TDRD10: variants seen among roughly 807,000 people sequenced by gnomAD.
The protein encoded by TDRD10 is tudor domain-containing protein 10.
TDRD10 carries 40 observed loss-of-function variants against 48.0 expected under a neutral mutation model. That is an observed-to-expected ratio of 0.83 (90% CI 0.65 to 1.09). TDRD10 has a LOEUF of 1.09. Among genes scored for constraint, TDRD10 ranks in the 50% least tolerant of loss-of-function variants. The pLI, the probability that TDRD10 is intolerant of heterozygous loss-of-function variation, is 0.00. For synonymous variants in TDRD10, 162 were observed against 170.4 expected, an observed-to-expected ratio of 0.95 and a Z score of 0.38; for missense variants, 378 against 434.7, an observed-to-expected ratio of 0.87 and a Z score of 1.16.
At chr1:154,514,881 T>A (rs1255100246) in intron 4 of TDRD10, among the ~76,000 whole-genome samples, 1 of 151,630 alleles carries the variant, frequency 6.6e-6, no homozygotes, top group Non-Finnish European at 1.5e-5. Flanking sequence ...TTTATTTTTT[T>A]TTTTGAGACG....
At chr1:154,509,865 G>C in intron 4 of TDRD10, 1 of 985,310 alleles carries the variant, frequency 1.0e-6, no homozygotes, top group Non-Finnish European at 1.2e-6. Context: ...GCAGTGGTCT[G>C]GGGAGGTAAG....
chr1:154,505,350 T>G (rs2149308222), intron 1 of TDRD10, among the ~76,000 whole-genome samples: 1 of 152,362 alleles, frequency 6.6e-6, no homozygotes, highest in East Asian at 1.9e-4. Context: ...TCAGTGCCTG[T>G]TCTGTTTCAG....
chr1:154,511,978 C>T (rs571163947), intron 4 of TDRD10, among the ~76,000 whole-genome samples: 5 of 151,434 alleles, frequency 3.3e-5, no homozygotes, highest in African/African-American at 7.3e-5. Context: ...GCAAGTGAGA[C>T]GAGATCATGC....
rs1695658237 is a variant in TDRD10, at chr1:154,547,353, C to T, written c.953-56C>T. ...CCCCGCCTTTTGCTTCCCTCCTTTGCTCCTCCTGCCCAACCCCGTGCCACT... is the reference window on the plus strand; with the variant it reads ...CCCCGCCTTTTGCTTCCCTCCTTTGTTCCTCCTGCCCAACCCCGTGCCACT... On this transcript the variant is annotated intron_variant, in intron 11 of 12. Transcript: ENST00000368482. 10 of 1,602,414 alleles carry T rather than the reference C, an allele frequency of 6.2e-6. No individual in the cohort carries two copies. In the South Asian group the frequency reaches 1.0e-4, roughly 16 times the overall value.
rs2149359671 is a variant in TDRD10 at position 154,547,659 on chromosome 1, C to CT, written c.1024-16dup. 1 of 1,614,158 alleles carries CT rather than the reference C, an allele frequency of 6.2e-7. No individual in the cohort carries two copies. The highest frequency in any genetic ancestry group is 2.2e-5 in the East Asian group (1 of 44,884). ...GGGTGGGCCTTCCTTCCCACCAAGG[C>CT]TTTGTCTTTCTCTTCCAGTTGCACA... On this transcript the variant is annotated intron_variant, in intron 12 of 12. Transcript: ENST00000368482.
chr1:154,502,941 CG>C lies in TDRD10; in HGVS notation c.-113del, dbSNP rs796658388. The C allele has an allele frequency of 6.6e-5, 10 of 152,510 alleles. No homozygotes were observed. The highest frequency in any genetic ancestry group is 2.4e-4 in the African/African-American group (10 of 41,572). 9.4% of individuals were successfully genotyped at this position (152,510 alleles called of 1,614,324 possible). A position where few individuals can be genotyped will look rare whatever the true frequency, so the allele number is the denominator to read the frequency against. ...GCCGGCAAGCCCCGCCCCGTGCCCC[CG>C]GGCTCAGAGGGGGCGGAGCGCGGAG... On this transcript the variant is annotated 5_prime_UTR_variant, in exon 1 of 13. Transcript: ENST00000368482.
chr1:154,524,372 G>T (rs1240855099), intron 6 of TDRD10, among the ~76,000 whole-genome samples: 1 of 152,118 alleles, frequency 6.6e-6, no homozygotes, highest in Non-Finnish European at 1.5e-5. Context: ...TCGCCATGTT[G>T]CCCAGGCTGG....
At chr1:154,533,787 A>G (rs1694774877) in intron 6 of TDRD10, among the ~76,000 whole-genome samples, 1 of 151,656 alleles carries the variant, frequency 6.6e-6, no homozygotes, top group African/African-American at 2.4e-5. Context: ...GGCGTGTACC[A>G]CCATGCCCAG....
intron 6 of TDRD10, among the ~76,000 whole-genome samples, chr1:154,541,227 G>C (rs1186161921): frequency 1.3e-5 from 2 of 151,522 alleles, no homozygotes; most frequent in African/African-American, 4.8e-5. Context: ...GTGAGGGCTT[G>C]AGCCAGAGCG....
intron 11 of TDRD10, among the ~76,000 whole-genome samples, chr1:154,545,771 C>CTT (rs368587572): frequency 1.5e-5 from 2 of 129,250 alleles, no homozygotes; most frequent in Non-Finnish European, 1.6e-5. Flanking sequence ...CAAACTAAGT[C>CTT]TTTTTTTTTT....
At position 154,508,501 on chromosome 1, in the gene TDRD10, G is replaced by T; in HGVS notation, c.141+20G>T. ...TCTAAGGTATTTATTCTTCACAATA[G>T]GCTGCTTATCTTCCTTGGCCTTCCC... On this transcript the variant is annotated intron_variant, in intron 4 of 12. Coordinates refer to ENST00000368482, the MANE Select transcript of TDRD10 (RefSeq NM_182499.4). 1 of 1,550,422 alleles carries T rather than the reference G, an allele frequency of 6.4e-7. No homozygotes were observed. The highest frequency in any genetic ancestry group is 8.9e-7 in the Non-Finnish European group (1 of 1,122,032).
At position 154,547,660 on chromosome 1, in the gene TDRD10, T is replaced by A; in HGVS notation, c.1024-18T>A. On this transcript the variant is annotated intron_variant, in intron 12 of 12. Transcript: ENST00000368482. ...GGTGGGCCTTCCTTCCCACCAAGGCTTTGTCTTTCTCTTCCAGTTGCACAT... is the reference window on the plus strand; with the variant it reads ...GGTGGGCCTTCCTTCCCACCAAGGCATTGTCTTTCTCTTCCAGTTGCACAT... 1.9e-6 allele frequency: 3 copies of A among 1,614,192 alleles called. No individual in the cohort carries two copies. Among genetic ancestry groups the A allele is most frequent in the Non-Finnish European group, 2.5e-6 (3 of 1,180,034 alleles).
At position 154,544,033 on chromosome 1, in the gene TDRD10, G is replaced by A. The variant is rs143192137; in HGVS notation, c.574G>A (p.Val192Ile). The A allele has an allele frequency of 1.8e-4, 296 of 1,614,076 alleles. No homozygotes were observed. Among genetic ancestry groups the A allele is most frequent in the Admixed American group, 4.0e-4 (24 of 60,008 alleles). The change falls in exon 9 of 13, where the codon GTC becomes ATC. Residue 192 changes from valine to isoleucine, a missense_variant. By Grantham distance (29) the Val-to-Ile change is conservative (BLOSUM62 3). Around this residue, in one of 2 missense-constraint regions of TDRD10, gnomAD observed 310 missense variants for 323.6 expected, o/e 0.96. Transcript: ENST00000368482. ...GAGCTGGCTGGCACTCATCCATAGC[G>A]TCCGTGGGGAGGCGGGGCTGCTGGT... The part of the protein sequence containing the change: ...DLSWLALIHS[V>I]RGEAGLLVTS...
At chr1:154,518,630 C>T (rs953783380) in intron 4 of TDRD10, among the ~76,000 whole-genome samples, 1 of 152,094 alleles carries the variant, frequency 6.6e-6, no homozygotes, top group Admixed American at 6.5e-5. Flanking sequence ...GGGGTTTCAC[C>T]GTGTTAGCCA....
intron 6 of TDRD10, among the ~76,000 whole-genome samples, chr1:154,523,477 G>GCA (rs1458738894): frequency 6.6e-6 from 1 of 152,184 alleles, no homozygotes; most frequent in Non-Finnish European, 1.5e-5. Flanking sequence ...CTGGGAATTA[G>GCA]CACAAGCTTC....
chr1:154,537,296 G>A (rs1369919169), intron 6 of TDRD10, among the ~76,000 whole-genome samples: 1 of 152,202 alleles, frequency 6.6e-6, no homozygotes, highest in African/African-American at 2.4e-5. Context: ...TTTAGTGTCT[G>A]CTGCCCCCAC....
At position 154,520,290 on chromosome 1, in the gene TDRD10, C is replaced by T; in HGVS notation, c.142-14C>T. 6.2e-7 allele frequency: 1 copy of T among 1,604,078 alleles called. No homozygotes were observed. The highest frequency in any genetic ancestry group is 8.5e-7 in the Non-Finnish European group (1 of 1,170,888). On this transcript the variant is annotated splice_polypyrimidine_tract_variant and intron_variant, in intron 4 of 12. Coordinates refer to ENST00000368482, the MANE Select transcript of TDRD10 (RefSeq NM_182499.4). ...TGTCTCTGGGTCTCTCTCTTTTAAA[C>T]CCTGCTGTTGTAGGAGGAAATTCTG...
At chr1:154,547,258 G>A in intron 11 of TDRD10, 151 bp from the exon 12 acceptor site, 1 of 728,112 alleles carries the variant, frequency 1.4e-6, no homozygotes. Flanking sequence ...CTGGCAGCAG[G>A]GATTTAGCAG....
intron 4 of TDRD10, among the ~76,000 whole-genome samples, chr1:154,513,196 T>C (rs1433221422): frequency 6.6e-6 from 1 of 152,188 alleles, no homozygotes; most frequent in Non-Finnish European, 1.5e-5. Flanking sequence ...TTGATTAAAA[T>C]TCACCAATGA....
Sources: allele counts gnomAD v4.1 joint callset (sites outside exome capture counted in the v4.1 genomes callset), GRCh38; gene constraint gnomAD v4.1.1; regional missense constraint gnomAD v4.1.1; transcripts MANE v1.5; gene names NCBI Gene and HGNC (gene_info 2026-07-23, HGNC 2026-07-21).